The following SUN1 variants were observed in gnomAD, a reference collection of about 807,000 sequenced individuals.
The protein encoded by SUN1 is Sad1 and UNC84 domain containing 1.
A neutral mutation model predicts 103.2 loss-of-function variants in SUN1; 61 were observed. The ratio of observed to expected loss-of-function variants is 0.59; its 90% confidence interval spans 0.48 to 0.73. The LOEUF is 0.73. Among genes scored for constraint, SUN1 ranks in the 30% least tolerant of loss-of-function variants. The pLI is 0.00. For synonymous variants in SUN1, 490 were observed against 425.7 expected (o/e 1.15, Z -1.86); for missense variants, 1,052 against 1,034.6 (o/e 1.02, Z -0.23).
chr7:839,194 T>C (rs1318395110), intron 2 of SUN1: 2 of 489,568 alleles, frequency 4.1e-6, no homozygotes, highest in Non-Finnish European at 6.9e-6. Flanking sequence ...GTGTGGCTTG[T>C]CTAGTATTGA....
At chr7:829,699 C>T (rs375811442), upstream of SUN1, among the ~76,000 whole-genome samples, 11 of 152,054 alleles carry the variant, frequency 7.2e-5, no homozygotes, top group South Asian at 2.1e-3. Context: ...GGACTACAGG[C>T]GCCCGCCACC....
intron 17 of SUN1, 124 bp from the exon 18 acceptor site, chr7:872,346 C>T: frequency 1.3e-6 from 1 of 756,858 alleles, no homozygotes. Context: ...GAGGAATGAC[C>T]TTCTCTTACT....
chr7:828,453 G>C (rs951101569), upstream of SUN1, among the ~76,000 whole-genome samples: 5 of 151,218 alleles, frequency 3.3e-5, no homozygotes, highest in African/African-American at 1.2e-4. Flanking sequence ...TATATATTTA[G>C]TAGAGACGGG....
upstream of SUN1, chr7:832,207 T>TC: frequency 1.3e-6 from 1 of 747,608 alleles, no homozygotes; most frequent in Non-Finnish European, 1.8e-6. Context: ...TCTGAGTTTC[T>TC]CTCCGTGTTT....
chr7:846,707 C>G (rs1184734810), intron 5 of SUN1, among the ~76,000 whole-genome samples: 1 of 151,916 alleles, frequency 6.6e-6, no homozygotes, highest in Non-Finnish European at 1.5e-5. Context: ...AAGACCCCAT[C>G]TCTAAAAAAG....
At position 860,340 on chromosome 7, in the gene SUN1, G is replaced by T. The variant is rs764047729; in HGVS notation, c.1737G>T (p.Val579=). The T allele has an allele frequency of 6.2e-7, 1 of 1,614,222 alleles. No homozygotes were observed. Among genetic ancestry groups the T allele is most frequent in the Non-Finnish European group, 8.5e-7 (1 of 1,180,040 alleles). The part of the protein sequence containing the change: ...TKQLPTSEAV[V]SAVSEAGASG... ...AGCTCCCAACCTCAGAAGCCGTGGT[G>T]TCTGCTGTGAGCGAGGCGGGGGCGT... Residue 579 remains valine (V), a synonymous_variant, in exon 14 of 19, where the codon GTG becomes GTT. Transcript: ENST00000401592.
At chr7:837,192 G>A (rs1408106301) in intron 1 of SUN1, among the ~76,000 whole-genome samples, 1 of 152,262 alleles carries the variant, frequency 6.6e-6, no homozygotes, top group Non-Finnish European at 1.5e-5. Flanking sequence ...AGGCTCTGAA[G>A]TGCTGGGGTG....
rs528381887 is a variant in SUN1, at chr7:866,145, C to T, written c.1980+78C>T. On this transcript the variant is annotated intron_variant, in intron 16 of 18. Coordinates refer to ENST00000401592, the MANE Select transcript of SUN1 (RefSeq NM_001130965.3). The stretch of plus-strand genomic sequence containing the variant: ...GTGTTCACGGGTCGTAGGTCCACAG[C>T]TCCATGGAACTTCGTAAGATGAACA... The T allele has an allele frequency of 6.5e-6, 8 of 1,239,626 alleles. No individual in the cohort carries two copies. The Admixed American group carries it at 1.1e-4, about 17-fold the overall frequency. 76.8% of individuals were successfully genotyped at this position (1,239,626 alleles called of 1,614,324 possible). A position where few individuals can be genotyped will look rare whatever the true frequency, so the allele number is the denominator to read the frequency against.
rs557447561 is a variant in SUN1 at position 861,361 on chromosome 7, G to A, written c.1780-19G>A. The A allele has an allele frequency of 3.5e-5, 56 of 1,613,956 alleles. No homozygotes were observed. The highest frequency in any genetic ancestry group is 2.3e-4 in the African/African-American group (17 of 75,038). On this transcript the variant is annotated intron_variant, in intron 14 of 18. Coordinates refer to ENST00000401592, the MANE Select transcript of SUN1 (RefSeq NM_001130965.3). ...CTCCTGTTCTGGTGTTTGGTCTTCC[G>A]TCCCTCGTGTCTGTCCAGCAAGCAC...
chr7:859,128 G>A (rs1195490598), intron 13 of SUN1, among the ~76,000 whole-genome samples: 1 of 151,344 alleles, frequency 6.6e-6, no homozygotes, highest in Non-Finnish European at 1.5e-5. Context: ...ACTCCAGCCT[G>A]GGTGACAGAG....
intron 5 of SUN1, among the ~76,000 whole-genome samples, chr7:845,622 C>T (rs1245657283): frequency 6.6e-6 from 1 of 151,878 alleles, no homozygotes; most frequent in Non-Finnish European, 1.5e-5. Context: ...ATCATATTTA[C>T]TTAAAATAAG....
At position 854,905 on chromosome 7, in the gene SUN1, C is replaced by G; in HGVS notation, c.1264-15C>G. 3.7e-6 allele frequency: 6 copies of G among 1,600,076 alleles called. No individual in the cohort carries two copies. Among genetic ancestry groups the G allele is most frequent in the Non-Finnish European group, 5.1e-6 (6 of 1,170,802 alleles). ...AACTTTCTCCATCATTTGTTCACTC[C>G]TTCTCTTTCCTAAGACTGACTTTAT... On this transcript the variant is annotated splice_polypyrimidine_tract_variant and intron_variant, in intron 10 of 18. Transcript: ENST00000401592.
intron 5 of SUN1, chr7:843,893 G>T: frequency 8.1e-7 from 1 of 1,227,800 alleles, no homozygotes; most frequent in Non-Finnish European, 1.0e-6. Flanking sequence ...GCTCTGGTCT[G>T]TCCTGTGAAG....
intron 1 of SUN1, among the ~76,000 whole-genome samples, chr7:826,142 G>A (rs1395692759): frequency 6.6e-6 from 1 of 152,154 alleles, no homozygotes; most frequent in African/African-American, 2.4e-5. Context: ...GGAAGCTGAG[G>A]CTTGAGCCCA....
At chr7:848,860 TAAAC>T (rs1424934743) in intron 5 of SUN1, among the ~76,000 whole-genome samples, 2 of 152,252 alleles carry the variant, frequency 1.3e-5, no homozygotes, top group African/African-American at 4.8e-5. Context: ...AGTTATTTCT[TAAAC>T]AAAAAGTTAA....
chr7:872,312 A>G (rs1285084641), intron 17 of SUN1, among the ~76,000 whole-genome samples, 158 bp from the exon 18 acceptor site: 2 of 152,118 alleles, frequency 1.3e-5, no homozygotes, highest in African/African-American at 4.8e-5. Flanking sequence ...CCTTCCTTCC[A>G]GGGAAGGCCT....
Position 853,265 on chromosome 7 carries a change from C to T in SUN1, c.1054-144C>T, listed in dbSNP as rs4076072. The T allele has an allele frequency of 0.17, 160,777 of 934,848 alleles. 14,660 individuals carry two copies. Among genetic ancestry groups the T allele is most frequent in the South Asian group, 0.24 (14,477 of 61,494 alleles). The allele number at this position is 934,848 out of a possible 1,614,324, so 57.9% of individuals were successfully genotyped here. On this transcript the variant is annotated intron_variant, in intron 9 of 18. Coordinates refer to ENST00000401592, the MANE Select transcript of SUN1 (RefSeq NM_001130965.3). ...AGCCATGTAAGGATCAAACCTGATACTCCGGGTTTCTGTGGATTCCTCCAT... is the reference window on the plus strand; with the variant it reads ...AGCCATGTAAGGATCAAACCTGATATTCCGGGTTTCTGTGGATTCCTCCAT...
chr7:819,089 C>T (rs1562458961), intron 1 of SUN1, among the ~76,000 whole-genome samples: 1 of 152,040 alleles, frequency 6.6e-6, no homozygotes, highest in African/African-American at 2.4e-5. Context: ...TCTCAAACTC[C>T]CGACCTCAGG....
At chr7:848,541 A>G (rs759168512) in intron 5 of SUN1, 3 of 1,361,610 alleles carry the variant, frequency 2.2e-6, no homozygotes, top group Non-Finnish European at 2.9e-6. Flanking sequence ...GAATCAGAAA[A>G]TTACAAATTG....
Sources: gnomAD v4.1 joint callset for allele counts (sites outside exome capture counted in the v4.1 genomes callset) on GRCh38, gnomAD v4.1.1 for gene constraint, MANE v1.5 for transcripts, NCBI Gene and HGNC (gene_info 2026-07-23, HGNC 2026-07-21) for gene names.